The following XYLT1 variants were observed in gnomAD, a reference collection of about 807,000 sequenced individuals.
XYLT1 encodes the protein beta-D-xylosyltransferase 1.
In XYLT1, 36 loss-of-function variants were observed where a neutral mutation model predicts 91.3. That is an observed-to-expected ratio of 0.39 (90% confidence interval 0.30 to 0.52). XYLT1 has a LOEUF of 0.52. Among genes scored for constraint, XYLT1 ranks in the 20% least tolerant of loss-of-function variants. XYLT1 has a pLI of 0.68. For missense variants in XYLT1, 1,242 were observed against 1,284.5 expected (o/e 0.97, Z 0.51); for synonymous variants, 588 against 532.0 (o/e 1.11, Z -1.45).
chr16:17,296,723 G>C (rs1218253688), intron 2 of XYLT1, among the ~76,000 whole-genome samples: 1 of 152,216 alleles, frequency 6.6e-6, no homozygotes, highest in African/African-American at 2.4e-5. Context: ...AGGACAGGCT[G>C]CAAGAATCTG....
At chr16:17,166,337 GCATTGAGTCCAATTCC>G (rs1382704571) in intron 5 of XYLT1, among the ~76,000 whole-genome samples, 1 of 152,098 alleles carries the variant, frequency 6.6e-6, no homozygotes, top group Admixed American at 6.5e-5. Flanking sequence ...GGATGAGCAG[GCATTGAGTCCAATTCC>G]CATCTGTTCC....
chr16:17,309,393 A>G (rs56005502), intron 2 of XYLT1, among the ~76,000 whole-genome samples: 11,882 of 152,200 alleles, frequency 0.078, 646 homozygotes, highest in Middle Eastern at 0.15. Flanking sequence ...TCACTCAGCA[A>G]ATACTTGTTG....
At chr16:17,470,223 G>A (rs2036966024) in intron 1 of XYLT1, among the ~76,000 whole-genome samples, 1 of 152,140 alleles carries the variant, frequency 6.6e-6, no homozygotes, top group South Asian at 2.1e-4. Context: ...CAGACCCCAA[G>A]GGGTCCGTGC....
intron 1 of XYLT1, among the ~76,000 whole-genome samples, chr16:17,407,401 C>A (rs1171717166): frequency 6.6e-6 from 1 of 152,170 alleles, no homozygotes; most frequent in Non-Finnish European, 1.5e-5. Flanking sequence ...TTTCAAAGTG[C>A]CTGCTAAGCC....
intron 6 of XYLT1, among the ~76,000 whole-genome samples, chr16:17,149,304 T>G (rs531127724): frequency 6.6e-6 from 1 of 152,296 alleles, no homozygotes; most frequent in South Asian, 2.1e-4. Flanking sequence ...TTAGAAGGAA[T>G]AACTCTGCTC....
intron 10 of XYLT1, among the ~76,000 whole-genome samples, chr16:17,126,794 C>G (rs2030276535): frequency 6.6e-6 from 1 of 152,166 alleles, no homozygotes; most frequent in African/African-American, 2.4e-5. Flanking sequence ...CTTCCCCTTC[C>G]TTCCTGCACC....
At chr16:17,402,471 G>GT (rs2035982417) in intron 1 of XYLT1, among the ~76,000 whole-genome samples, 1 of 152,152 alleles carries the variant, frequency 6.6e-6, no homozygotes, top group Non-Finnish European at 1.5e-5. Flanking sequence ...TATGGATAAT[G>GT]TTTTTTAAAA....
chr16:17,402,526 A>T (rs537740020), intron 1 of XYLT1, among the ~76,000 whole-genome samples: 33 of 152,240 alleles, frequency 2.2e-4, no homozygotes, highest in African/African-American at 7.5e-4. Context: ...TGCTTGTGGA[A>T]AAAATAGGAT....
chr16:17,253,500 AT>A (rs1213719425), intron 3 of XYLT1, among the ~76,000 whole-genome samples: 1 of 152,056 alleles, frequency 6.6e-6, no homozygotes, highest in East Asian at 1.9e-4. Flanking sequence ...TGAGGTTCTG[AT>A]TTTTTTGAAC....
chr16:17,308,007 C>G (rs898981828), intron 2 of XYLT1, among the ~76,000 whole-genome samples: 1 of 152,214 alleles, frequency 6.6e-6, no homozygotes, highest in Non-Finnish European at 1.5e-5. Flanking sequence ...TCCCCACTCT[C>G]CATGATCTGC....
intron 1 of XYLT1, among the ~76,000 whole-genome samples, chr16:17,457,928 A>T (rs2036766185): frequency 6.6e-6 from 1 of 152,240 alleles, no homozygotes; most frequent in Non-Finnish European, 1.5e-5. Flanking sequence ...AGGAAAAAAG[A>T]AGAAGAAAAA....
At chr16:17,429,467 T>C (rs2036362570) in intron 1 of XYLT1, among the ~76,000 whole-genome samples, 1 of 152,216 alleles carries the variant, frequency 6.6e-6, no homozygotes, top group Non-Finnish European at 1.5e-5. Flanking sequence ...CCAATCACCA[T>C]CTTCCAGAAA....
chr16:17,446,428 G>A (rs1422412885), intron 1 of XYLT1: 1 of 152,170 alleles, frequency 6.6e-6, no homozygotes, highest in African/African-American at 2.4e-5. Flanking sequence ...GGCACACTGA[G>A]GCAGAGAGAG....
intron 3 of XYLT1, among the ~76,000 whole-genome samples, chr16:17,242,565 T>C (rs1016083688): frequency 6.6e-6 from 1 of 152,188 alleles, no homozygotes; most frequent in Non-Finnish European, 1.5e-5. Context: ...TTCACCAATT[T>C]AGAGCAAGAT....
intron 5 of XYLT1, chr16:17,193,274 G>A (rs1476579518): frequency 6.6e-6 from 1 of 152,208 alleles, no homozygotes; most frequent in Non-Finnish European, 1.5e-5. Flanking sequence ...AGACGCTGTG[G>A]TAGGTCCTTA....
chr16:17,366,618 C>T (rs1400549109), intron 1 of XYLT1, among the ~76,000 whole-genome samples: 2 of 152,176 alleles, frequency 1.3e-5, no homozygotes, highest in African/African-American at 2.4e-5. Flanking sequence ...CAGCTTGAAC[C>T]CTGGCGGCAG....
Position 17,188,314 on chromosome 16 carries a change from C to T in XYLT1, c.1289+9898G>A, listed in dbSNP as rs76005452. Among the ~76,000 whole-genome samples the T allele has an allele frequency of 0.011, 1,721 of 152,280 alleles. 94 individuals are homozygous for T. The East Asian group carries it at 0.17, about 15-fold the overall frequency. On this transcript the variant is annotated intron_variant, in intron 5 of 11. Coordinates refer to ENST00000261381, the MANE Select transcript of XYLT1 (RefSeq NM_022166.4). ...TTGTCACTCTCCCCTAAAACCTCAC[C>T]GCTCACAGACTGAGGCTTTAGTGAC...
In XYLT1 at chr16:17,148,284, C is replaced by T. The variant is rs1241343760; in HGVS notation, c.1371-6915G>A. Among the ~76,000 whole-genome samples the T allele has an allele frequency of 2.6e-5, 4 of 152,200 alleles. No individual in the cohort carries two copies. The East Asian group carries it at 5.8e-4, about 22-fold the overall frequency. ...ATCCCTTCTTACCTAAGGATGACAT[C>T]CCTCCCCCATGCCTGGCATCCTCAA... is the stretch of plus-strand genomic sequence containing the variant. On this transcript the variant is annotated intron_variant, in intron 6 of 11. Coordinates refer to ENST00000261381, the MANE Select transcript of XYLT1 (RefSeq NM_022166.4).
At chr16:17,149,835 T>A (rs2031239245) in intron 6 of XYLT1, among the ~76,000 whole-genome samples, 3 of 152,354 alleles carry the variant, frequency 2.0e-5, no homozygotes, top group South Asian at 4.1e-4. Flanking sequence ...ATGGTGATCA[T>A]AATAGCTAAT....
Sources: gnomAD v4.1 joint callset for allele counts (sites outside exome capture counted in the v4.1 genomes callset) on GRCh38, gnomAD v4.1.1 for gene constraint, MANE v1.5 for transcripts, NCBI Gene and HGNC (gene_info 2026-07-23, HGNC 2026-07-21) for gene names.